Variants in GALNTL6 observed in about 807,000 individuals in gnomAD.
GALNTL6 encodes the protein polypeptide N-acetylgalactosaminyltransferase-like 6.
GALNTL6 carries 46 observed loss-of-function variants against 73.7 expected under a neutral mutation model. The observed-to-expected ratio is 0.62, with a 90% CI of 0.49 to 0.80. GALNTL6 has a LOEUF of 0.80. GALNTL6 is among the 30% of genes least tolerant of loss of function. GALNTL6 has a pLI of 0.00. For missense variants in GALNTL6, 604 were observed against 755.0 expected (o/e 0.80, Z 2.34); for synonymous variants, 259 against 263.7 (o/e 0.98, Z 0.17).
chr4:173,027,152 T>C (rs1178072627), intron 12 of GALNTL6, among the ~76,000 whole-genome samples: 5 of 152,030 alleles, frequency 3.3e-5, no homozygotes, highest in African/African-American at 7.3e-5. Flanking sequence ...CCCAGCTACT[T>C]TTTGTATTTT....
At chr4:172,135,409 G>A (rs1733610554) in intron 2 of GALNTL6, among the ~76,000 whole-genome samples, 1 of 46,656 alleles carries the variant, frequency 2.1e-5, no homozygotes, top group East Asian at 2.6e-4. Context: ...TTAGGAAAAA[G>A]AGAGAGAGAG....
At chr4:171,881,208 A>G (rs562794260) in intron 2 of GALNTL6, among the ~76,000 whole-genome samples, 1 of 152,340 alleles carries the variant, frequency 6.6e-6, no homozygotes, top group Admixed American at 6.5e-5. Context: ...TTTCATTAAC[A>G]TCTTCTCTAA....
intron 5 of GALNTL6, chr4:172,380,282 A>C: frequency 1.3e-6 from 1 of 774,250 alleles, no homozygotes; most frequent in Non-Finnish European, 2.4e-6. Flanking sequence ...CATAAAACGC[A>C]CTTTAGGGGC....
chr4:172,866,042 T>C (rs1744646089), intron 7 of GALNTL6, among the ~76,000 whole-genome samples: 1 of 152,168 alleles, frequency 6.6e-6, no homozygotes, highest in Non-Finnish European at 1.5e-5. Context: ...CTTGGACTCT[T>C]TCCTTCTTCC....
rs1731231766 is a variant in GALNTL6, at chr4:172,062,278, TGAGA to T, written c.139-167373_139-167370del. Among the ~76,000 whole-genome samples, 3 of 152,226 alleles carry T rather than the reference TGAGA, an allele frequency of 2.0e-5. No individual in the cohort carries two copies. In the South Asian group the frequency reaches 6.2e-4, roughly 32 times the overall value. On this transcript the variant is annotated intron_variant, in intron 2 of 12. Transcript: ENST00000506823. ...CTCCACATTTTGTAAGTAAGAATAC[TGAGA>T]GAGAAATTTAATAATGTGTTTAATG... is the stretch of plus-strand genomic sequence containing the variant.
intron 4 of GALNTL6, among the ~76,000 whole-genome samples, chr4:172,327,120 A>G (rs758853013): frequency 9.9e-5 from 15 of 152,122 alleles, no homozygotes; most frequent in Non-Finnish European, 1.9e-4. Context: ...AACTAACAAC[A>G]TAATTATCTT....
intron 2 of GALNTL6, among the ~76,000 whole-genome samples, chr4:171,984,842 G>C (rs145868810): frequency 7.3e-4 from 111 of 152,236 alleles, no homozygotes; most frequent in African/African-American, 2.6e-3. Context: ...AAGTGACTGA[G>C]TCAATCACTC....
chr4:171,989,501 C>G (rs1014237889), intron 2 of GALNTL6, among the ~76,000 whole-genome samples: 6 of 152,162 alleles, frequency 3.9e-5, no homozygotes, highest in Non-Finnish European at 8.8e-5. Flanking sequence ...GTAGCAAACT[C>G]CTGGGAGAGG....
At chr4:172,851,317 C>T (rs1410324598) in intron 7 of GALNTL6, among the ~76,000 whole-genome samples, 1 of 151,838 alleles carries the variant, frequency 6.6e-6, no homozygotes, top group Non-Finnish European at 1.5e-5. Flanking sequence ...CTCCTAGCAC[C>T]CTTATGGCTC....
chr4:173,022,090 A>AAGGAAG (rs1554012035), intron 12 of GALNTL6, among the ~76,000 whole-genome samples: 4 of 66,202 alleles, frequency 6.0e-5, no homozygotes, highest in Non-Finnish European at 1.2e-4. Flanking sequence ...AAGGAAGGAA[A>AAGGAAG]GAAGGAAGGA....
chr4:172,077,928 C>A (rs891770155), intron 2 of GALNTL6, among the ~76,000 whole-genome samples: 1 of 152,104 alleles, frequency 6.6e-6, no homozygotes, highest in African/African-American at 2.4e-5. Flanking sequence ...CAGAACAGGG[C>A]GCCCTGCATC....
intron 12 of GALNTL6, 33 bp downstream of exon 12, chr4:173,021,658 T>C (rs775238246): frequency 1.9e-6 from 3 of 1,607,052 alleles, no homozygotes; most frequent in Non-Finnish European, 2.6e-6. Flanking sequence ...CATTCTCAAA[T>C]TACTGTGGTT....
At chr4:172,764,330 T>C (rs572271970) in intron 5 of GALNTL6, among the ~76,000 whole-genome samples, 84 of 152,358 alleles carry the variant, frequency 5.5e-4, no homozygotes, top group Middle Eastern at 3.4e-3. Context: ...TATTAAAATG[T>C]TGAAAAACCA....
intron 5 of GALNTL6, among the ~76,000 whole-genome samples, chr4:172,788,050 A>G (rs943330762): frequency 6.6e-6 from 1 of 152,160 alleles, no homozygotes; most frequent in South Asian, 2.1e-4. Context: ...GTTTATAGCT[A>G]AAGAGAAGGA....
chr4:172,014,220 C>A (rs917507320), intron 2 of GALNTL6, among the ~76,000 whole-genome samples: 1 of 151,926 alleles, frequency 6.6e-6, no homozygotes, highest in South Asian at 2.1e-4. Flanking sequence ...GATTTCCTTT[C>A]TTTTGGGTAT....
intron 10 of GALNTL6, among the ~76,000 whole-genome samples, chr4:172,982,814 G>A (rs1751127841): frequency 6.6e-6 from 1 of 152,146 alleles, no homozygotes; most frequent in Non-Finnish European, 1.5e-5. Context: ...TATCTGAGAT[G>A]AGATCATCCT....
intron 5 of GALNTL6, among the ~76,000 whole-genome samples, chr4:172,536,203 T>C (rs1735340280): frequency 6.6e-6 from 1 of 152,228 alleles, no homozygotes; most frequent in South Asian, 2.1e-4. Context: ...TTTTTCATTA[T>C]AAATTACCCA....
intron 5 of GALNTL6, among the ~76,000 whole-genome samples, chr4:172,731,144 A>G (rs1201309323): frequency 1.3e-5 from 2 of 151,594 alleles, no homozygotes; most frequent in Non-Finnish European, 2.9e-5. Flanking sequence ...CTTTAAATAT[A>G]TGGTATAATT....
chr4:172,187,065 T>C (rs1270328880), intron 2 of GALNTL6, among the ~76,000 whole-genome samples: 3 of 152,146 alleles, frequency 2.0e-5, no homozygotes, highest in Admixed American at 6.5e-5. Flanking sequence ...ACAAGTCATA[T>C]ATAGATGAAT....
Sources: gnomAD v4.1 joint callset for allele counts (sites outside exome capture counted in the v4.1 genomes callset) on GRCh38, gnomAD v4.1.1 for gene constraint, MANE v1.5 for transcripts, NCBI Gene and HGNC (gene_info 2026-07-23, HGNC 2026-07-21) for gene names.